The following ATP8A2 variants were observed in gnomAD, a reference collection of about 807,000 sequenced individuals.
ATP8A2 encodes ATPase phospholipid transporting 8A2, also known as phospholipid-transporting ATPase IB.
A neutral mutation model predicts 165.6 loss-of-function variants in ATP8A2; 100 were observed. The ratio of observed to expected loss-of-function variants is 0.60; its 90% CI spans 0.51 to 0.71. The LOEUF is 0.71. Among genes scored for constraint, ATP8A2 ranks in the 30% least tolerant of loss-of-function variants. The pLI is 0.00. For missense variants in ATP8A2, 1,227 were observed against 1,479.5 expected (o/e 0.83, Z 2.80); for synonymous variants, 543 against 548.8 (o/e 0.99, Z 0.15).
chr13:25,772,143 G>A (rs777780278), intron 26 of ATP8A2, among the ~76,000 whole-genome samples: 1 of 152,262 alleles, frequency 6.6e-6, no homozygotes, highest in Admixed American at 6.5e-5. Context: ...CTTGTCCTGA[G>A]CAACCTTGCT....
rs1337063036 is a variant in ATP8A2, at chr13:25,806,483, T to C, written c.2680-21635T>C. Among the ~76,000 whole-genome samples the C allele has an allele frequency of 5.9e-5, 9 of 151,988 alleles. No individual in the cohort carries two copies. The East Asian group carries it at 1.7e-3, about 29-fold the overall frequency. On this transcript the variant is annotated intron_variant, in intron 27 of 36. Transcript: ENST00000381655. ...GAAGCCAACATTACCAGGAATGTCATCTGTAATGCAGCCAGTAATGGTTAA... is the reference window on the plus strand; with the variant it reads ...GAAGCCAACATTACCAGGAATGTCACCTGTAATGCAGCCAGTAATGGTTAA...
intron 35 of ATP8A2, among the ~76,000 whole-genome samples, chr13:25,994,111 G>T (rs1443212016): frequency 1.3e-5 from 2 of 152,048 alleles, no homozygotes; most frequent in Admixed American, 1.3e-4. Flanking sequence ...AAATTGCATT[G>T]TATTTTAAAT....
At chr13:25,874,935 A>T (rs1035734089) in intron 33 of ATP8A2, among the ~76,000 whole-genome samples, 2 of 152,174 alleles carry the variant, frequency 1.3e-5, no homozygotes, top group African/African-American at 4.8e-5. Context: ...AAAGTTGAGG[A>T]CATTATGTAA....
intron 33 of ATP8A2, among the ~76,000 whole-genome samples, chr13:25,960,589 C>A (rs934457743): frequency 1.3e-5 from 2 of 152,154 alleles, no homozygotes; most frequent in Admixed American, 1.3e-4. Flanking sequence ...AGGTGGCCCA[C>A]CCTTGTAGGC....
chr13:25,880,255 C>T (rs1231099758), intron 33 of ATP8A2, among the ~76,000 whole-genome samples: 1 of 152,016 alleles, frequency 6.6e-6, no homozygotes. Context: ...GAAAATCCAG[C>T]GGCTAATCCA....
intron 24 of ATP8A2, among the ~76,000 whole-genome samples, chr13:25,683,451 T>G (rs2042536896): frequency 6.6e-6 from 1 of 152,204 alleles, no homozygotes; most frequent in Non-Finnish European, 1.5e-5. Context: ...GACTAATACT[T>G]CTGTGGGTTT....
chr13:25,577,158 T>A lies in ATP8A2; in HGVS notation c.1782+20T>A. The A allele has an allele frequency of 2.5e-6, 4 of 1,609,808 alleles. No individual in the cohort carries two copies. The highest frequency in any genetic ancestry group is 3.4e-6 in the Non-Finnish European group (4 of 1,176,222). On this transcript the variant is annotated intron_variant, in intron 20 of 36. Transcript: ENST00000381655. The stretch of plus-strand genomic sequence containing the variant: ...GGGGCTGTAAGTACCGGAGAAGCGT[T>A]GTGCGTAGCGGAGTTCTTGGCAGCT...
chr13:25,667,408 T>G (rs1006757262), intron 24 of ATP8A2, among the ~76,000 whole-genome samples: 2 of 152,154 alleles, frequency 1.3e-5, no homozygotes, highest in African/African-American at 4.8e-5. Flanking sequence ...GAGTTCTCAT[T>G]TTTAGGAGAA....
chr13:25,981,098 A>T (rs1261203623), intron 35 of ATP8A2, among the ~76,000 whole-genome samples: 3 of 152,200 alleles, frequency 2.0e-5, no homozygotes, highest in Non-Finnish European at 2.9e-5. Context: ...TATCTAGTTT[A>T]CTTTTGTTTT....
intron 24 of ATP8A2, among the ~76,000 whole-genome samples, chr13:25,681,392 G>A (rs191183888): frequency 2.0e-4 from 31 of 152,276 alleles, no homozygotes; most frequent in Admixed American, 3.3e-4. Flanking sequence ...AAATGTTTGC[G>A]TACCCCATAG....
chr13:25,889,245 C>CATACATATATATATATATATAT (rs1555285524), intron 33 of ATP8A2, among the ~76,000 whole-genome samples: 1 of 109,972 alleles, frequency 9.1e-6, no homozygotes, highest in African/African-American at 4.3e-5. Context: ...CATCCTTTGT[C>CATACATATATATATATATATAT]ATATATATAT....
In ATP8A2 at chr13:25,607,279, T is replaced by C. The variant is rs78915846; in HGVS notation, c.2211+17580T>C. On this transcript the variant is annotated intron_variant, in intron 24 of 36. Coordinates refer to ENST00000381655, the MANE Select transcript of ATP8A2 (RefSeq NM_016529.6). ...CCCTAGGACAAGGGCTGGCCAGCTCTGGCGAGTGCGACAAATCCAGCTCAC... is the reference window on the plus strand; with the variant it reads ...CCCTAGGACAAGGGCTGGCCAGCTCCGGCGAGTGCGACAAATCCAGCTCAC... 1.6e-4 allele frequency among the ~76,000 whole-genome samples: 24 copies of C among 152,326 alleles called. No individual in the cohort carries two copies. In the East Asian group the frequency reaches 4.2e-3, roughly 27 times the overall value.
chr13:25,622,069 G>T (rs1230102867), intron 24 of ATP8A2, among the ~76,000 whole-genome samples: 1 of 152,038 alleles, frequency 6.6e-6, no homozygotes, highest in Non-Finnish European at 1.5e-5. Flanking sequence ...ACCTGGGCAT[G>T]GTGGTGCGCA....
chr13:25,454,559 G>T (rs942409529), intron 1 of ATP8A2, among the ~76,000 whole-genome samples: 3 of 152,156 alleles, frequency 2.0e-5, no homozygotes, highest in Non-Finnish European at 2.9e-5. Flanking sequence ...GTCTCAGACC[G>T]CACTGCCCAT....
intron 35 of ATP8A2, among the ~76,000 whole-genome samples, chr13:25,983,984 G>A (rs1330884506): frequency 6.6e-6 from 1 of 152,038 alleles, no homozygotes; most frequent in Admixed American, 6.6e-5. Context: ...TATCATCCAA[G>A]CACTTTGGGA....
chr13:25,562,734 A>T (rs1479911115), intron 15 of ATP8A2, among the ~76,000 whole-genome samples: 1 of 152,166 alleles, frequency 6.6e-6, no homozygotes, highest in Admixed American at 6.5e-5. Context: ...ACCTATCCAC[A>T]TGTGTGCCTG....
At position 25,463,196 on chromosome 13, in the gene ATP8A2, C is replaced by A. The variant is rs1237377266; in HGVS notation, c.77-5781C>A. On this transcript the variant is annotated intron_variant, in intron 1 of 36. Coordinates refer to ENST00000381655, the MANE Select transcript of ATP8A2 (RefSeq NM_016529.6). ...AATAACCTAGACATGTCTCAAGCAC[C>A]TTTTGGAGTTTTAAACATTTTGAAT... is the stretch of plus-strand genomic sequence containing the variant. Among the ~76,000 whole-genome samples, 18 of 149,646 alleles carry A rather than the reference C, an allele frequency of 1.2e-4. No homozygotes were observed. In the Admixed American group the frequency reaches 1.2e-3, roughly 10 times the overall value.
intron 25 of ATP8A2, among the ~76,000 whole-genome samples, chr13:25,736,200 A>C (rs1441040042): frequency 6.6e-6 from 1 of 152,202 alleles, no homozygotes; most frequent in Non-Finnish European, 1.5e-5. Flanking sequence ...ACAATGACAG[A>C]TTTCTCAGAT....
intron 35 of ATP8A2, among the ~76,000 whole-genome samples, chr13:25,975,407 C>T (rs1260015842): frequency 6.8e-6 from 1 of 146,734 alleles, no homozygotes; most frequent in Non-Finnish European, 1.5e-5. Flanking sequence ...GAAATCCCGT[C>T]TCTACTAAAA....
Sources: allele counts gnomAD v4.1 joint callset (sites outside exome capture counted in the v4.1 genomes callset), GRCh38; gene constraint gnomAD v4.1.1; transcripts MANE v1.5; gene names NCBI Gene and HGNC (gene_info 2026-07-23, HGNC 2026-07-21).